The following KAT6B variants were observed in gnomAD, a reference collection of about 807,000 sequenced individuals.
KAT6B encodes the protein histone acetyltransferase KAT6B.
Under a neutral mutation model 187.5 loss-of-function variants are expected in KAT6B, and 10 were observed. That is an observed-to-expected ratio of 0.05 (90% CI 0.03 to 0.09). The LOEUF (loss-of-function observed/expected upper bound fraction) is 0.09, where lower values mean the gene tolerates loss of function less well. KAT6B is among the 10% of genes least tolerant of loss of function. KAT6B has a pLI of 1.00. For missense variants in KAT6B, 1,952 were observed against 2,558.9 expected, an observed-to-expected ratio of 0.76 and a Z score of 5.12; for synonymous variants, 861 against 926.8, an observed-to-expected ratio of 0.93 and a Z score of 1.29.
chr10:74,968,027 T>G (rs1051183360), intron 4 of KAT6B, among the ~76,000 whole-genome samples: 1 of 152,084 alleles, frequency 6.6e-6, no homozygotes, highest in Admixed American at 6.5e-5. Context: ...TGGGATCCAT[T>G]TTAAGGGTGG....
At chr10:74,905,380 C>T (rs570571540) in intron 3 of KAT6B, among the ~76,000 whole-genome samples, 1 of 152,296 alleles carries the variant, frequency 6.6e-6, no homozygotes, top group African/African-American at 2.4e-5. Flanking sequence ...TCTCTGAGCT[C>T]CAGGCAGTTG....
At chr10:75,018,586 C>T (rs1400342924) in intron 13 of KAT6B, among the ~76,000 whole-genome samples, 1 of 152,138 alleles carries the variant, frequency 6.6e-6, no homozygotes, top group Non-Finnish European at 1.5e-5. Flanking sequence ...GGATTAGGGA[C>T]TGTAGCGGGG....
At chr10:74,947,171 A>C (rs941442729) in intron 3 of KAT6B, among the ~76,000 whole-genome samples, 5 of 151,976 alleles carry the variant, frequency 3.3e-5, no homozygotes, top group Admixed American at 2.0e-4. Flanking sequence ...TAATTTTTGT[A>C]TTTTTAATAG....
At chr10:75,020,870 T>C (rs149516114) in intron 14 of KAT6B, 57 bp downstream of exon 14, 1 of 1,400,666 alleles carries the variant, frequency 7.1e-7, no homozygotes, top group Admixed American at 1.7e-5. Flanking sequence ...CCAGAAAGGG[T>C]CCCTGGAGAT....
rs768759056 is a variant in KAT6B, at chr10:74,976,115, T to C, written c.1778T>C (p.Ile593Thr). The stretch of plus-strand genomic sequence containing the variant: ...GCCCACTTCTTTGGCAAAAGAGATA[T>C]TAGAAGTCGGTTTATTTCTCACTCC... ...SKAHFFGKRD[I>T]RSRFISHSSS... Residue 593 changes from isoleucine to threonine, a missense_variant, in exon 8 of 18, where the codon ATT becomes ACT. Ile to Thr is a moderately conservative substitution (Grantham distance 89, BLOSUM62 -1). Transcript: ENST00000287239. The C allele has an allele frequency of 1.2e-5, 19 of 1,614,224 alleles. No homozygotes were observed. The highest frequency in any genetic ancestry group is 5.5e-5 in the South Asian group (5 of 91,082).
chr10:75,020,221 G>C (rs937866373), intron 13 of KAT6B, among the ~76,000 whole-genome samples: 1 of 152,222 alleles, frequency 6.6e-6, no homozygotes, highest in African/African-American at 2.4e-5. Flanking sequence ...TTCTGAGTAA[G>C]TGCCTGACAT....
chr10:74,978,701 G>A (rs1000158833), intron 9 of KAT6B, among the ~76,000 whole-genome samples: 7 of 152,154 alleles, frequency 4.6e-5, no homozygotes, highest in African/African-American at 1.7e-4. Context: ...TTACTACATG[G>A]AAATAAGGGA....
At chr10:74,916,825 G>A (rs1194588061) in intron 3 of KAT6B, among the ~76,000 whole-genome samples, 1 of 152,180 alleles carries the variant, frequency 6.6e-6, no homozygotes. Flanking sequence ...ACACTGGCCT[G>A]GCACGGTGGC....
intron 3 of KAT6B, among the ~76,000 whole-genome samples, chr10:74,845,158 G>C (rs1842004925): frequency 6.6e-6 from 1 of 151,982 alleles, no homozygotes; most frequent in South Asian, 2.1e-4. Context: ...GGTAGAGGCT[G>C]CAGTGAGCCT....
chr10:74,877,853 A>G (rs939511898), intron 3 of KAT6B, among the ~76,000 whole-genome samples: 2 of 152,180 alleles, frequency 1.3e-5, no homozygotes, highest in African/African-American at 4.8e-5. Flanking sequence ...TGTTATCATC[A>G]AAGAGTAATA....
At chr10:74,872,855 A>G (rs2132425933) in intron 3 of KAT6B, among the ~76,000 whole-genome samples, 1 of 152,276 alleles carries the variant, frequency 6.6e-6, no homozygotes, top group South Asian at 2.1e-4. Flanking sequence ...TGAAAACTAA[A>G]TGGTCCTAGG....
At chr10:74,945,697 G>A (rs1232319086) in intron 3 of KAT6B, among the ~76,000 whole-genome samples, 3 of 152,046 alleles carry the variant, frequency 2.0e-5, no homozygotes, top group African/African-American at 4.8e-5. Flanking sequence ...TGATCCGCCC[G>A]CCTCAGCCTC....
intron 3 of KAT6B, among the ~76,000 whole-genome samples, chr10:74,879,722 G>GT (rs1216566008): frequency 2.0e-5 from 3 of 149,164 alleles, no homozygotes; most frequent in East Asian, 4.1e-4. Context: ...TGTCGTTTTT[G>GT]TTTTTTCCTT....
At chr10:74,977,608 T>C (rs1458350885) in intron 9 of KAT6B, among the ~76,000 whole-genome samples, 171 bp downstream of exon 9, 1 of 152,220 alleles carries the variant, frequency 6.6e-6, no homozygotes, top group Non-Finnish European at 1.5e-5. Context: ...AATGACTTAG[T>C]AGAATTGTCG....
chr10:74,855,430 A>C (rs1187563388), intron 3 of KAT6B, among the ~76,000 whole-genome samples: 1 of 152,226 alleles, frequency 6.6e-6, no homozygotes, highest in Non-Finnish European at 1.5e-5. Context: ...AAAGAGAAAC[A>C]TAAGAACATA....
In KAT6B at chr10:74,930,920, A is replaced by G. The variant is rs969944783; in HGVS notation, c.622-29050A>G. On this transcript the variant is annotated intron_variant, in intron 3 of 17. Transcript: ENST00000287239. The stretch of plus-strand genomic sequence containing the variant: ...CAAATCCATCTAAAAGCATTCAGCT[A>G]CGTGTCCATAGAGACTGCAAGTCTT... Among the ~76,000 whole-genome samples, 7 of 152,366 alleles carry G rather than the reference A, an allele frequency of 4.6e-5. No individual in the cohort carries two copies. In the East Asian group the frequency reaches 7.7e-4, roughly 17 times the overall value.
chr10:74,827,854 T>G (rs936476928), intron 1 of KAT6B, among the ~76,000 whole-genome samples: 1 of 152,052 alleles, frequency 6.6e-6, no homozygotes, highest in African/African-American at 2.4e-5. Context: ...GAGAAAAGGG[T>G]CTCACTATGT....
At chr10:74,948,000 A>G (rs16931866) in intron 3 of KAT6B, among the ~76,000 whole-genome samples, 47,140 of 152,162 alleles carry the variant, frequency 0.31, 13,153 homozygotes, top group African/African-American at 0.73. Context: ...GGGGTCTAAG[A>G]ATGAGTCTTC....
At chr10:75,021,539 C>T (rs1845406967) in intron 15 of KAT6B, among the ~76,000 whole-genome samples, 1 of 152,180 alleles carries the variant, frequency 6.6e-6, no homozygotes, top group African/African-American at 2.4e-5. Flanking sequence ...GTAATCAGAT[C>T]AAATTCGGTG....
Sources: gnomAD v4.1 joint callset for allele counts (sites outside exome capture counted in the v4.1 genomes callset) on GRCh38, gnomAD v4.1.1 for gene constraint, MANE v1.5 for transcripts, NCBI Gene and HGNC (gene_info 2026-07-23, HGNC 2026-07-21) for gene names.